CFAP53: variants seen among roughly 807,000 people sequenced by gnomAD.
CFAP53 encodes the protein cilia- and flagella-associated protein 53.
In CFAP53, 62 loss-of-function variants were observed where a neutral mutation model predicts 59.7. The observed-to-expected ratio is 1.04, with a 90% CI of 0.85 to 1.28. The LOEUF is 1.28. Ranked by LOEUF, CFAP53 falls within the 50% of genes most tolerant of loss-of-function variation. The probability of loss-of-function intolerance (pLI) is 0.00; values close to 1 mark genes in which losing one functional copy is unlikely to be tolerated. For synonymous variants in CFAP53, 218 were observed against 205.7 expected (o/e 1.06, Z -0.51); for missense variants, 629 against 615.6 (o/e 1.02, Z -0.23).
chr18:50,238,572 G>T, intron 7 of CFAP53, 31 bp downstream of exon 7: 1 of 1,518,924 alleles, frequency 6.6e-7, no homozygotes, highest in Non-Finnish European at 9.1e-7. Flanking sequence ...TTTTTAGGTA[G>T]CAAATGATGA....
In CFAP53 at chr18:50,233,707, C is replaced by T. The variant is rs114507780; in HGVS notation, c.1316+4896G>A. Among the ~76,000 whole-genome samples the T allele has an allele frequency of 4.8e-3, 737 of 152,340 alleles. 5 individuals are homozygous for T. Among genetic ancestry groups the T allele is most frequent in the African/African-American group, 0.017 (703 of 41,580 alleles). On this transcript the variant is annotated intron_variant, in intron 7 of 7. Coordinates refer to ENST00000398545, the MANE Select transcript of CFAP53 (RefSeq NM_145020.5). ...GGCTGGAGCCAGGCACTTACTCCTC[C>T]CAGTAATATTTCAGGTTGCTAACAT... is the stretch of plus-strand genomic sequence containing the variant.
At chr18:50,229,302 T>A (rs1453396010) in intron 7 of CFAP53, among the ~76,000 whole-genome samples, 1 of 152,208 alleles carries the variant, frequency 6.6e-6, no homozygotes, top group East Asian at 1.9e-4. Context: ...ATCTGACTAC[T>A]TTATATGTCT....
Position 50,261,252 on chromosome 18 carries a change from C to CAAAAAAAAAAAAAAAAAAAA in CFAP53, c.300-16_300-15insTTTTTTTTTTTTTTTTTTTT, listed in dbSNP as rs71169499. On this transcript the variant is annotated splice_polypyrimidine_tract_variant and intron_variant, in intron 2 of 7. Coordinates refer to ENST00000398545, the MANE Select transcript of CFAP53 (RefSeq NM_145020.5). ...GCTCACGTAGCCTGAAACAAAAAGC[C>CAAAAAAAAAAAAAAAAAAAA]AAAAAAAAAAAAAAAAAAAGAAAAC... 2 of 1,027,564 alleles carry CAAAAAAAAAAAAAAAAAAAA rather than the reference C, an allele frequency of 1.9e-6. No individual in the cohort carries two copies. Among genetic ancestry groups the CAAAAAAAAAAAAAAAAAAAA allele is most frequent in the Non-Finnish European group, 2.5e-6 (2 of 804,218 alleles). 63.7% of individuals were successfully genotyped at this position (1,027,564 alleles called of 1,614,324 possible).
intron 5 of CFAP53, among the ~76,000 whole-genome samples, chr18:50,246,693 G>A (rs895845762): frequency 1.3e-5 from 2 of 152,134 alleles, no homozygotes; most frequent in Admixed American, 6.5e-5. Context: ...ACAACCTATA[G>A]AATGAAAGAA....
At chr18:50,259,677 C>A (rs2033874274) in intron 3 of CFAP53, among the ~76,000 whole-genome samples, 1 of 152,078 alleles carries the variant, frequency 6.6e-6, no homozygotes, top group African/African-American at 2.4e-5. Context: ...AGGTAATACA[C>A]CCACCTCAGC....
rs775630239 is a variant in CFAP53, at chr18:50,261,128, G to A, written c.409C>T (p.Leu137=). The change falls in exon 3 of 8, where the codon CTA becomes TTA. Residue 137 remains leucine, a synonymous_variant. Transcript: ENST00000398545. ...CTCTCTTTTTCATTCTTCTCTTTTA[G>A]TAATTTAGTTTTCTCTCTCATCCTA... ...KDRMREKTKL[L]KEKNEKERQD... is the part of the protein sequence containing the mutation. 4.4e-6 allele frequency: 7 copies of A among 1,596,710 alleles called. 1 individual carries two copies. In the South Asian group the frequency reaches 7.0e-5, roughly 16 times the overall value.
chr18:50,261,038 G>A (rs2033887715), intron 3 of CFAP53, 26 bp downstream of exon 3: 7 of 1,583,712 alleles, frequency 4.4e-6, no homozygotes, highest in Non-Finnish European at 5.1e-6. Flanking sequence ...TTTGGATTCT[G>A]TTTGTGTGTT....
intron 5 of CFAP53, among the ~76,000 whole-genome samples, chr18:50,250,297 A>T (rs187268408): frequency 4.3e-4 from 66 of 152,296 alleles, no homozygotes; most frequent in African/African-American, 1.3e-3. Context: ...AGAACCAGGT[A>T]AAAACAAGAA....
chr18:50,238,385 T>C (rs2033657204), intron 7 of CFAP53, among the ~76,000 whole-genome samples: 1 of 152,234 alleles, frequency 6.6e-6, no homozygotes, highest in African/African-American at 2.4e-5. Flanking sequence ...TAGCTAGGAC[T>C]ACAGGTCTAT....
intron 1 of CFAP53, among the ~76,000 whole-genome samples, chr18:50,265,398 G>A (rs903973943): frequency 7.2e-5 from 11 of 151,978 alleles, no homozygotes; most frequent in African/African-American, 2.7e-4. Context: ...CCCTCCCCAA[G>A]ATATTGCATT....
chr18:50,262,367 C>T (rs1173411736), intron 1 of CFAP53, 148 bp from the exon 2 acceptor site: 15 of 631,376 alleles, frequency 2.4e-5, no homozygotes, highest in South Asian at 2.0e-4. Context: ...ACAGCTTATG[C>T]ACCTAAAGAG....
chr18:50,261,337 A>G (rs2033892177), intron 2 of CFAP53, 100 bp from the exon 3 acceptor site: 1 of 1,267,854 alleles, frequency 7.9e-7, no homozygotes, highest in Non-Finnish European at 1.0e-6. Flanking sequence ...TTTGTAAGAA[A>G]AGAAAGATCA....
At chr18:50,262,954 T>C (rs1272175943) in intron 1 of CFAP53, among the ~76,000 whole-genome samples, 1 of 152,234 alleles carries the variant, frequency 6.6e-6, no homozygotes, top group African/African-American at 2.4e-5. Flanking sequence ...TTTGAATTTC[T>C]ATAAATGTAC....
chr18:50,232,113 G>A (rs1176944887), intron 7 of CFAP53, among the ~76,000 whole-genome samples: 1 of 152,208 alleles, frequency 6.6e-6, no homozygotes, highest in Non-Finnish European at 1.5e-5. Flanking sequence ...ATCTCGGCTG[G>A]ACATCCTGAG....
At chr18:50,232,718 T>G (rs1225557613) in intron 7 of CFAP53, among the ~76,000 whole-genome samples, 1 of 152,200 alleles carries the variant, frequency 6.6e-6, no homozygotes, top group Non-Finnish European at 1.5e-5. Context: ...CTTGCAAAGT[T>G]GGGAAGAATT....
intron 5 of CFAP53, 65 bp from the exon 6 acceptor site, chr18:50,243,181 T>TAA: frequency 2.9e-5 from 30 of 1,041,692 alleles, no homozygotes; most frequent in Non-Finnish European, 3.8e-5. Context: ...AGGATACATT[T>TAA]AAAAAAAATC....
At chr18:50,260,670 A>G (rs2033883250) in intron 3 of CFAP53, among the ~76,000 whole-genome samples, 3 of 152,084 alleles carry the variant, frequency 2.0e-5, no homozygotes, top group Admixed American at 2.0e-4. Context: ...TCAAAAAATG[A>G]CAACCGAAAA....
rs553419941 is a variant in CFAP53 at position 50,262,508 on chromosome 18, T to G, written c.70-289A>C. On this transcript the variant is annotated intron_variant, in intron 1 of 7. Transcript: ENST00000398545. ...AAATGTGAACAGGACTCTGTTGAGA[T>G]TGTCTAGTCAAACCCAGAGACATTA... is the stretch of plus-strand genomic sequence containing the variant. 2.0e-5 allele frequency among the ~76,000 whole-genome samples: 3 copies of G among 152,194 alleles called. No homozygotes were observed. The South Asian group carries it at 6.2e-4, about 31-fold the overall frequency.
In CFAP53 at chr18:50,242,395, T is replaced by G. The variant is rs761620354; in HGVS notation, c.1213+505A>C. Reference sequence around the variant, plus strand: ...TAAATGTCCATGAAATCTTCACAATTTATGTTCAGAGATTGCAGTAAAAAC... The same window carrying G: ...TAAATGTCCATGAAATCTTCACAATGTATGTTCAGAGATTGCAGTAAAAAC... On this transcript the variant is annotated intron_variant, in intron 6 of 7. Transcript: ENST00000398545. 3.9e-5 allele frequency among the ~76,000 whole-genome samples: 6 copies of G among 152,286 alleles called. No homozygotes were observed. The Middle Eastern group carries it at 0.014, about 345-fold the overall frequency.
Sources: allele counts gnomAD v4.1 joint callset (sites outside exome capture counted in the v4.1 genomes callset), GRCh38; gene constraint gnomAD v4.1.1; transcripts MANE v1.5; gene names NCBI Gene and HGNC (gene_info 2026-07-23, HGNC 2026-07-21).